The following UGT1A10 variants were observed in gnomAD, a reference collection of about 807,000 sequenced individuals.
UGT1A10 encodes the protein UDP glucuronosyltransferase family 1 member A10, also known as UDP-glucuronosyltransferase 1A10.
In UGT1A10, 49 loss-of-function variants were observed where a neutral mutation model predicts 45.8. That is an observed-to-expected ratio of 1.07 (90% CI 0.85 to 1.36). The LOEUF (loss-of-function observed/expected upper bound fraction) is 1.36, where lower values mean the gene tolerates loss of function less well. Among genes scored for constraint, UGT1A10 ranks in the 40% most tolerant of loss-of-function variants. The pLI, the probability that UGT1A10 is intolerant of heterozygous loss-of-function variation, is 0.00. For synonymous variants in UGT1A10, 284 were observed against 249.7 expected, an observed-to-expected ratio of 1.14 and a Z score of -1.29; for missense variants, 745 against 668.6, an observed-to-expected ratio of 1.11 and a Z score of -1.26.
chr2:233,678,745 C>G (rs1490676757), intron 1 of UGT1A10, among the ~76,000 whole-genome samples: 1 of 147,482 alleles, frequency 6.8e-6, no homozygotes, highest in South Asian at 2.2e-4. Context: ...GATTGGAAAG[C>G]ACTCATCTCT....
chr2:233,650,711 T>C lies in UGT1A10; in HGVS notation c.855+13334T>C, dbSNP rs182122743. 3.3e-5 allele frequency among the ~76,000 whole-genome samples: 5 copies of C among 152,242 alleles called. No individual in the cohort carries two copies. In the South Asian group the frequency reaches 8.3e-4, roughly 25 times the overall value. ...ATTGCTTCAATTGCTGCAGAATTCA[T>C]GTTGTTTTGATGGGGGCTTTTTTCC... is the stretch of plus-strand genomic sequence containing the variant. On this transcript the variant is annotated intron_variant, in intron 1 of 4. Coordinates refer to ENST00000344644, the MANE Select transcript of UGT1A10 (RefSeq NM_019075.4).
intron 1 of UGT1A10, chr2:233,682,317 T>A: frequency 6.2e-7 from 1 of 1,614,198 alleles, no homozygotes; most frequent in Non-Finnish European, 8.5e-7. Context: ...TGCAGGAGTT[T>A]GTTTAATGAC....
intron 1 of UGT1A10, among the ~76,000 whole-genome samples, chr2:233,744,268 G>C (rs975143580): frequency 2.0e-5 from 3 of 151,806 alleles, no homozygotes; most frequent in African/African-American, 7.3e-5. Context: ...TTTTCTTAAA[G>C]TAGGCTTTAT....
chr2:233,747,846 A>G, intron 1 of UGT1A10: 1 of 1,613,572 alleles, frequency 6.2e-7, no homozygotes, highest in Non-Finnish European at 8.5e-7. Context: ...GCAAAGGGTC[A>G]AGAACATGCT....
intron 1 of UGT1A10, among the ~76,000 whole-genome samples, chr2:233,660,031 G>C (rs1489673398): frequency 6.6e-6 from 1 of 152,100 alleles, no homozygotes; most frequent in African/African-American, 2.4e-5. Flanking sequence ...TGCCCACCTT[G>C]TTTTTCTTGC....
At chr2:233,746,132 G>C (rs998349575) in intron 1 of UGT1A10, among the ~76,000 whole-genome samples, 5 of 151,792 alleles carry the variant, frequency 3.3e-5, no homozygotes, top group African/African-American at 1.2e-4. Context: ...CTGTGGACTG[G>C]CACCTGAGTG....
intron 1 of UGT1A10, among the ~76,000 whole-genome samples, chr2:233,707,191 C>T (rs976926305): frequency 6.3e-4 from 96 of 152,212 alleles, no homozygotes; most frequent in African/African-American, 2.1e-3. Flanking sequence ...GCCTGCCCTC[C>T]GTTCTATTCC....
At chr2:233,743,412 T>C (rs1692284250) in intron 1 of UGT1A10, 48 of 1,321,888 alleles carry the variant, frequency 3.6e-5, no homozygotes, top group Non-Finnish European at 4.8e-5. Flanking sequence ...GGCCCCCACT[T>C]CCCAGGGAGC....
At chr2:233,719,812 CA>C in intron 1 of UGT1A10, 1 of 1,587,558 alleles carries the variant, frequency 6.3e-7, no homozygotes, top group Non-Finnish European at 8.6e-7. Context: ...TTCTTTATAA[CA>C]GATAAACTGT....
chr2:233,679,357 A>T (rs1178042272), intron 1 of UGT1A10, among the ~76,000 whole-genome samples: 7 of 152,228 alleles, frequency 4.6e-5, no homozygotes. Context: ...TTTGTACAAC[A>T]ATAAAACTGT....
At chr2:233,685,907 C>T (rs973279226) in intron 1 of UGT1A10, among the ~76,000 whole-genome samples, 1 of 152,152 alleles carries the variant, frequency 6.6e-6, no homozygotes, top group Non-Finnish European at 1.5e-5. Context: ...CATTTTCAAT[C>T]CATCATTAAA....
At chr2:233,732,759 T>C (rs1404130009) in intron 1 of UGT1A10, among the ~76,000 whole-genome samples, 2 of 151,674 alleles carry the variant, frequency 1.3e-5, no homozygotes, top group Non-Finnish European at 2.9e-5. Context: ...AGCTTTGTTT[T>C]TTTTTTTTTT....
chr2:233,719,429 C>T (rs2076765385), intron 1 of UGT1A10: 1 of 1,613,996 alleles, frequency 6.2e-7, no homozygotes, highest in Non-Finnish European at 8.5e-7. Flanking sequence ...CCAATTCAGA[C>T]CACATGACAT....
chr2:233,671,850 T>C, intron 1 of UGT1A10: 3 of 1,497,968 alleles, frequency 2.0e-6, no homozygotes. Flanking sequence ...TCTATTGGGG[T>C]CAGGTTTTGT....
chr2:233,722,566 G>A (rs901908747), intron 1 of UGT1A10, among the ~76,000 whole-genome samples: 44 of 152,258 alleles, frequency 2.9e-4, no homozygotes, highest in Non-Finnish European at 5.7e-4. Flanking sequence ...ATTTGTAGCT[G>A]CTTTTGCAAC....
At chr2:233,702,807 T>A (rs568741359) in intron 1 of UGT1A10, among the ~76,000 whole-genome samples, 2 of 152,340 alleles carry the variant, frequency 1.3e-5, no homozygotes, top group South Asian at 4.1e-4. Flanking sequence ...CCTAGAATAA[T>A]CCCACTTGAT....
At chr2:233,689,209 A>T (rs1235533582) in intron 1 of UGT1A10, among the ~76,000 whole-genome samples, 1 of 152,232 alleles carries the variant, frequency 6.6e-6, no homozygotes, top group African/African-American at 2.4e-5. Flanking sequence ...TGGGCAAGCC[A>T]TACTTACCTG....
chr2:233,672,701 A>C, intron 1 of UGT1A10: 3 of 1,613,920 alleles, frequency 1.9e-6, no homozygotes, highest in Non-Finnish European at 2.5e-6. Flanking sequence ...TTGCGAACGG[A>C]CTTTGTTTTG....
At chr2:233,696,543 T>G (rs1300972525) in intron 1 of UGT1A10, among the ~76,000 whole-genome samples, 2 of 152,234 alleles carry the variant, frequency 1.3e-5, no homozygotes, top group African/African-American at 4.8e-5. Context: ...TAAATTTTTC[T>G]GAATATATTA....
Sources: gnomAD v4.1 joint callset for allele counts (sites outside exome capture counted in the v4.1 genomes callset) on GRCh38, gnomAD v4.1.1 for gene constraint, MANE v1.5 for transcripts, NCBI Gene and HGNC (gene_info 2026-07-23, HGNC 2026-07-21) for gene names.